Variants in DCAF6 observed in about 807,000 individuals in gnomAD.
The protein encoded by DCAF6 is DDB1 and CUL4 associated factor 6.
Under a neutral mutation model 125.1 loss-of-function variants are expected in DCAF6, and 54 were observed. The observed-to-expected ratio is 0.43, with a 90% CI of 0.35 to 0.54. DCAF6 has a LOEUF of 0.54. Ranked by LOEUF, DCAF6 falls within the 20% of genes least tolerant of loss-of-function variation. The probability of loss-of-function intolerance (pLI) is 0.01; values close to 1 mark genes in which losing one functional copy is unlikely to be tolerated. For missense variants in DCAF6, 934 were observed against 1,161.7 expected (o/e 0.80, Z 2.85); for synonymous variants, 371 against 390.4 (o/e 0.95, Z 0.58).
At chr1:168,068,283 A>G (rs1558055458) in intron 20 of DCAF6, 75 bp from the exon 21 acceptor site, 15 of 984,408 alleles carry the variant, frequency 1.5e-5, no homozygotes, top group Non-Finnish European at 2.2e-5. Flanking sequence ...CTGATTGTTT[A>G]CGGTTTGCCT....
chr1:167,878,901 G>C, the DCAF6 span, among the ~76,000 whole-genome samples: 1 of 152,200 alleles, frequency 6.6e-6, no homozygotes, highest in East Asian at 1.9e-4. Flanking sequence ...GCTTGAGTAT[G>C]GAGCAGGCTC....
At chr1:167,909,655 G>A in the DCAF6 span, among the ~76,000 whole-genome samples, 7 of 152,078 alleles carry the variant, frequency 4.6e-5, no homozygotes, top group South Asian at 4.2e-4. Flanking sequence ...CAGGGAAGCC[G>A]AAAGATTGGA....
chr1:167,939,631 C>T lies in DCAF6; in HGVS notation c.97+2623C>T, dbSNP rs1052919538. The stretch of plus-strand genomic sequence containing the variant: ...TACAAAAATTAGCCGGGAGTGGTGG[C>T]GTACGCCTGTAGTCTCAGCTCCTTG... On this transcript the variant is annotated intron_variant, in intron 1 of 21. Coordinates refer to ENST00000367840, the MANE Select transcript of DCAF6 (RefSeq NM_001198956.2). Among the ~76,000 whole-genome samples, 31 of 152,022 alleles carry T rather than the reference C, an allele frequency of 2.0e-4. 1 individual carries two copies. Among genetic ancestry groups the T allele is most frequent in the Non-Finnish European group, 4.1e-4 (28 of 67,998 alleles).
chr1:167,954,474 A>G lies in DCAF6; in HGVS notation c.159+2613A>G, dbSNP rs566384930. ...TTTTTTATTTTTTTATTTTTTTGAG[A>G]TGGAGTCTCGCTGTGCCACCCAGGC... On this transcript the variant is annotated intron_variant, in intron 2 of 21. Transcript: ENST00000367840. Among the ~76,000 whole-genome samples the G allele has an allele frequency of 5.3e-5, 8 of 150,746 alleles. No homozygotes were observed. In the South Asian group the frequency reaches 6.3e-4, roughly 12 times the overall value.
chr1:167,925,539 T>C, the DCAF6 span, among the ~76,000 whole-genome samples: 2 of 145,046 alleles, frequency 1.4e-5, no homozygotes, highest in African/African-American at 5.0e-5. Flanking sequence ...TTTTGGTTTT[T>C]TTTTTGGTTT....
chr1:168,075,442 C>T lies in DCAF6; in HGVS notation c.*7C>T. On this transcript the variant is annotated 3_prime_UTR_variant, in exon 22 of 22. Coordinates refer to ENST00000367840, the MANE Select transcript of DCAF6 (RefSeq NM_001198956.2). ...AAATGAGGATGAGGAATAATAAACTCTTTTTGGCAAGCACTTAAATGTTCT... is the reference window on the plus strand; with the variant it reads ...AAATGAGGATGAGGAATAATAAACTTTTTTTGGCAAGCACTTAAATGTTCT... 5 of 1,589,554 alleles carry T rather than the reference C, an allele frequency of 3.1e-6. No individual in the cohort carries two copies. The highest frequency in any genetic ancestry group is 4.3e-6 in the Non-Finnish European group (5 of 1,172,818).
chr1:168,072,293 C>CT (rs1558060379), intron 21 of DCAF6, among the ~76,000 whole-genome samples: 7 of 28,616 alleles, frequency 2.4e-4, no homozygotes, highest in African/African-American at 1.2e-3. Flanking sequence ...GAGAATCAGT[C>CT]TAAAAAAAAA....
the DCAF6 span, among the ~76,000 whole-genome samples, chr1:167,923,944 C>A: frequency 6.6e-6 from 1 of 152,312 alleles, no homozygotes; most frequent in Non-Finnish European, 1.5e-5. Context: ...TGATTTGCTA[C>A]AAACAGCCAC....
chr1:168,074,100 TG>T (rs984983308), intron 21 of DCAF6, among the ~76,000 whole-genome samples: 1 of 151,882 alleles, frequency 6.6e-6, no homozygotes, highest in Non-Finnish European at 1.5e-5. Flanking sequence ...ACATACATTA[TG>T]TCATTGGTTT....
the DCAF6 span, chr1:167,920,478 A>G: frequency 6.7e-7 from 1 of 1,493,330 alleles, no homozygotes; most frequent in Non-Finnish European, 9.2e-7. Flanking sequence ...CACTAAATAA[A>G]CTGATATAAA....
intron 3 of DCAF6, among the ~76,000 whole-genome samples, chr1:167,970,174 A>G (rs1021063240): frequency 6.6e-6 from 1 of 152,234 alleles, no homozygotes; most frequent in Non-Finnish European, 1.5e-5. Flanking sequence ...ACATTATACA[A>G]AATAATCACT....
the DCAF6 span, among the ~76,000 whole-genome samples, chr1:167,884,118 T>A: frequency 4.1e-3 from 622 of 152,334 alleles, 1 homozygote; most frequent in African/African-American, 0.014. Flanking sequence ...CCAATTATAC[T>A]CTTTTAGTTA....
At chr1:167,875,679 A>G in the DCAF6 span, among the ~76,000 whole-genome samples, 1 of 152,232 alleles carries the variant, frequency 6.6e-6, no homozygotes, top group Non-Finnish European at 1.5e-5. Flanking sequence ...GGCTGGGCGC[A>G]GTGACTCACG....
chr1:167,984,080 A>G (rs961597305), intron 4 of DCAF6, among the ~76,000 whole-genome samples: 4 of 152,200 alleles, frequency 2.6e-5, no homozygotes, highest in African/African-American at 9.7e-5. Flanking sequence ...AAGGCTCACT[A>G]TTCTTTCTGA....
chr1:167,977,282 A>G (rs1360153099), intron 4 of DCAF6, among the ~76,000 whole-genome samples: 2 of 138,348 alleles, frequency 1.4e-5, no homozygotes, highest in Admixed American at 7.4e-5. Context: ...TCCTTCATTC[A>G]TTCTTTCCTT....
the DCAF6 span, among the ~76,000 whole-genome samples, chr1:167,875,907 C>A: frequency 6.6e-6 from 1 of 151,628 alleles, no homozygotes; most frequent in African/African-American, 2.4e-5. Flanking sequence ...GAGCCGAGAT[C>A]GCACCACTGC....
chr1:168,021,040 C>A (rs1020471395), intron 11 of DCAF6, among the ~76,000 whole-genome samples: 27 of 152,094 alleles, frequency 1.8e-4, no homozygotes, highest in African/African-American at 6.0e-4. Context: ...TCTGTCTTAA[C>A]ATAGCTTTAA....
Position 168,038,378 on chromosome 1 carries a change from T to G in DCAF6, c.1617T>G (p.Asn539Lys). ...SMSLDEQQDN[N>K]NEKLSPKPGT... ...TTTAAACACAATTTTCAGATAACAA[T>G]AATGAAAAGCTGAGCCCCAAACCAG... Residue 539 changes from asparagine (N) to lysine (K), a missense_variant, in exon 13 of 22, where the codon AAT becomes AAG. Transcript: ENST00000367840. The G allele has an allele frequency of 6.2e-7, 1 of 1,606,836 alleles. No homozygotes were observed. The highest frequency in any genetic ancestry group is 8.5e-7 in the Non-Finnish European group (1 of 1,176,984).
the DCAF6 span, chr1:167,870,253 T>A: frequency 6.2e-7 from 1 of 1,613,950 alleles, no homozygotes; most frequent in Non-Finnish European, 8.5e-7. Context: ...TCCAAGACAC[T>A]CACCTGTGAT....
Sources: allele counts gnomAD v4.1 joint callset (sites outside exome capture counted in the v4.1 genomes callset), GRCh38; gene constraint gnomAD v4.1.1; transcripts MANE v1.5; gene names NCBI Gene and HGNC (gene_info 2026-07-23, HGNC 2026-07-21).